Variants in MAGI2 observed in about 807,000 individuals in gnomAD.
The protein encoded by MAGI2 is membrane-associated guanylate kinase, WW and PDZ domain-containing protein 2.
A neutral mutation model predicts 133.3 loss-of-function variants in MAGI2; 35 were observed. The ratio of observed to expected loss-of-function variants is 0.26; its 90% CI spans 0.20 to 0.35. The LOEUF is 0.35. MAGI2 is among the 10% of genes least tolerant of loss of function. The pLI is 1.00. For missense variants in MAGI2, 1,636 were observed against 1,863.4 expected (o/e 0.88, Z 2.25); for synonymous variants, 729 against 710.6 (o/e 1.03, Z -0.41).
intron 7 of MAGI2, among the ~76,000 whole-genome samples, chr7:78,350,864 A>C (rs1791436061): frequency 6.6e-6 from 1 of 152,138 alleles, no homozygotes; most frequent in African/African-American, 2.4e-5. Flanking sequence ...CTGTATATCT[A>C]TATCTCAGCC....
chr7:79,031,572 G>A (rs1394997687), intron 1 of MAGI2, among the ~76,000 whole-genome samples: 2 of 152,066 alleles, frequency 1.3e-5, no homozygotes, highest in African/African-American at 2.4e-5. Context: ...AGGGCAATTA[G>A]CAAGTATTCT....
chr7:78,082,738 G>C (rs923793410), intron 20 of MAGI2, among the ~76,000 whole-genome samples: 19 of 152,152 alleles, frequency 1.2e-4, no homozygotes, highest in Non-Finnish European at 2.5e-4. Flanking sequence ...TGCTGACATA[G>C]ACTCTGACCG....
chr7:79,387,486 G>A (rs1374963120), intron 1 of MAGI2, among the ~76,000 whole-genome samples: 1 of 152,012 alleles, frequency 6.6e-6, no homozygotes, highest in Non-Finnish European at 1.5e-5. Context: ...TGGCTTAAAT[G>A]TGCAAACTAT....
At chr7:79,235,652 T>G (rs989674064) in intron 1 of MAGI2, among the ~76,000 whole-genome samples, 2 of 152,164 alleles carry the variant, frequency 1.3e-5, no homozygotes, top group Admixed American at 1.3e-4. Context: ...CTGCTTCGGC[T>G]CGCGCACGGT....
intron 2 of MAGI2, among the ~76,000 whole-genome samples, chr7:78,781,531 C>T (rs1216467335): frequency 1.3e-5 from 2 of 152,064 alleles, no homozygotes; most frequent in East Asian, 1.9e-4. Context: ...GGAAAAGATG[C>T]TTAAAGCATC....
intron 21 of MAGI2, among the ~76,000 whole-genome samples, chr7:78,066,386 C>T (rs1194406119): frequency 9.9e-5 from 15 of 151,842 alleles, no homozygotes; most frequent in African/African-American, 2.7e-4. Context: ...CACTTGAACC[C>T]GGGAGGCAGA....
intron 1 of MAGI2, among the ~76,000 whole-genome samples, chr7:79,278,689 C>T (rs1307912071): frequency 2.6e-5 from 4 of 152,044 alleles, no homozygotes; most frequent in Non-Finnish European, 5.9e-5. Flanking sequence ...AAATGTGGTA[C>T]TTAATGTTTA....
intron 9 of MAGI2, among the ~76,000 whole-genome samples, chr7:78,323,146 C>T (rs1382623633): frequency 6.6e-6 from 1 of 151,510 alleles, no homozygotes; most frequent in Non-Finnish European, 1.5e-5. Flanking sequence ...TTAGTCACTT[C>T]TTTATACTGT....
intron 3 of MAGI2, among the ~76,000 whole-genome samples, chr7:78,555,287 G>T (rs923941314): frequency 2.0e-5 from 3 of 152,126 alleles, no homozygotes; most frequent in East Asian, 1.9e-4. Context: ...CCTTATGAAG[G>T]CTTCCATGTC....
At chr7:79,024,147 T>C (rs554630133) in intron 1 of MAGI2, among the ~76,000 whole-genome samples, 19 of 152,024 alleles carry the variant, frequency 1.2e-4, no homozygotes, top group African/African-American at 4.3e-4. Context: ...TAGAGACCAA[T>C]GGAACAAAAT....
At chr7:79,444,625 T>C (rs1380524945) in intron 1 of MAGI2, among the ~76,000 whole-genome samples, 10 of 151,864 alleles carry the variant, frequency 6.6e-5, no homozygotes, top group East Asian at 1.9e-4. Context: ...AGGACCTCTT[T>C]AAGGAGAACT....
intron 1 of MAGI2, among the ~76,000 whole-genome samples, chr7:79,186,678 T>A (rs1030701952): frequency 1.7e-5 from 2 of 121,212 alleles, no homozygotes; most frequent in Non-Finnish European, 3.1e-5. Flanking sequence ...GTTTACATTT[T>A]ATACGAGTAT....
intron 3 of MAGI2, among the ~76,000 whole-genome samples, chr7:78,535,686 T>G (rs1344749589): frequency 1.3e-5 from 2 of 152,114 alleles, no homozygotes; most frequent in African/African-American, 4.8e-5. Context: ...ACAAACCCCC[T>G]TCTTGCCTGG....
chr7:78,316,023 G>C (rs760569908), intron 9 of MAGI2, among the ~76,000 whole-genome samples: 16 of 151,992 alleles, frequency 1.1e-4, no homozygotes, highest in Admixed American at 1.0e-3. Flanking sequence ...TCTGGGTTTG[G>C]GCACTTCTTC....
intron 1 of MAGI2, among the ~76,000 whole-genome samples, chr7:79,183,669 A>G (rs1826814679): frequency 6.6e-6 from 1 of 151,954 alleles, no homozygotes; most frequent in Non-Finnish European, 1.5e-5. Flanking sequence ...TACGTCAAAG[A>G]GATATCTGTA....
intron 2 of MAGI2, among the ~76,000 whole-genome samples, chr7:78,661,253 T>C (rs991938397): frequency 1.5e-5 from 2 of 137,106 alleles, no homozygotes; most frequent in Non-Finnish European, 3.2e-5. Flanking sequence ...TTCTTGCTAT[T>C]CTTATTTTTC....
intron 9 of MAGI2, among the ~76,000 whole-genome samples, chr7:78,284,250 G>GTTATT: frequency 6.6e-6 from 1 of 152,084 alleles, no homozygotes; most frequent in African/African-American, 2.4e-5. Flanking sequence ...CCAGTTTCTA[G>GTTATT]TTATTTTTTG....
chr7:78,066,334 C>A (rs911000283), intron 21 of MAGI2, among the ~76,000 whole-genome samples: 2 of 151,862 alleles, frequency 1.3e-5, no homozygotes, highest in East Asian at 3.9e-4. Context: ...GGTTGGTGTG[C>A]GCCTGTAGTC....
At chr7:78,627,094 A>G (rs1386125160) in intron 3 of MAGI2, 26 bp downstream of exon 3, 1 of 1,550,038 alleles carries the variant, frequency 6.5e-7, no homozygotes, top group Non-Finnish European at 8.7e-7. Flanking sequence ...CCAACAAGAA[A>G]GATTTCTCAG....
Sources: gnomAD v4.1 joint callset for allele counts (sites outside exome capture counted in the v4.1 genomes callset) on GRCh38, gnomAD v4.1.1 for gene constraint, MANE v1.5 for transcripts, NCBI Gene and HGNC (gene_info 2026-07-23, HGNC 2026-07-21) for gene names.